Variants in COL22A1 observed in about 807,000 individuals in gnomAD.
The protein encoded by COL22A1 is collagen alpha-1(XXII) chain.
A neutral mutation model predicts 248.9 loss-of-function variants in COL22A1; 221 were observed. The observed-to-expected ratio is 0.89, with a 90% CI of 0.80 to 0.99. The LOEUF is 0.99. COL22A1 is among the 50% of genes least tolerant of loss of function. The pLI, the probability that COL22A1 is intolerant of heterozygous loss-of-function variation, is 0.00. For synonymous variants in COL22A1, 891 were observed against 793.4 expected (o/e 1.12, Z -2.07); for missense variants, 2,240 against 2,179.0 (o/e 1.03, Z -0.56).
Position 138,821,380 on chromosome 8 carries a change from G to A in COL22A1, c.1001C>T (p.Ala334Val), listed in dbSNP as rs1279353210. Residue 334 changes from alanine to valine, a missense_variant, in exon 7 of 65, where the codon GCA (alanine) becomes GTA (valine). Transcript: ENST00000303045. ...GGCACCCACAGCGTTGTACTCGACT[G>A]CCTTGTTTTCACCATCCAGCCGGAT... ...VSIRLDGENK[A>V]VEYNAVGAMK... 3 of 1,613,780 alleles carry A rather than the reference G, an allele frequency of 1.9e-6. No homozygotes were observed. In the Admixed American group the frequency reaches 5.0e-5, roughly 27 times the overall value.
chr8:138,727,969 G>T (rs1830447032), intron 23 of COL22A1, among the ~76,000 whole-genome samples: 1 of 152,118 alleles, frequency 6.6e-6, no homozygotes, highest in Non-Finnish European at 1.5e-5. Context: ...CAAAGCAAGA[G>T]CCCTGCAGTG....
chr8:138,703,893 G>T (rs1449329246), intron 30 of COL22A1, among the ~76,000 whole-genome samples: 1 of 152,224 alleles, frequency 6.6e-6, no homozygotes, highest in Non-Finnish European at 1.5e-5. Flanking sequence ...ACCCGTGACA[G>T]ATTGTAACTG....
At chr8:138,865,719 ATG>A (rs963858023) in intron 3 of COL22A1, among the ~76,000 whole-genome samples, 9 of 121,530 alleles carry the variant, frequency 7.4e-5, no homozygotes, top group Admixed American at 2.5e-4. Context: ...GTATGAGTGT[ATG>A]TGTGTGTGTG....
intron 40 of COL22A1, among the ~76,000 whole-genome samples, chr8:138,676,840 T>C (rs995972410): frequency 4.6e-5 from 7 of 152,174 alleles, no homozygotes; most frequent in African/African-American, 1.7e-4. Flanking sequence ...ACTCAGATTA[T>C]ATACCTTTCA....
At chr8:138,651,925 C>T (rs1822771382) in intron 45 of COL22A1, among the ~76,000 whole-genome samples, 2 of 152,184 alleles carry the variant, frequency 1.3e-5, no homozygotes, top group Admixed American at 1.3e-4. Flanking sequence ...TAATTTCTGG[C>T]AGGGCTCTCA....
intron 25 of COL22A1, among the ~76,000 whole-genome samples, chr8:138,722,793 G>A (rs1173882162): frequency 1.5e-5 from 2 of 136,522 alleles, no homozygotes; most frequent in African/African-American, 5.5e-5. Context: ...CTACACCAGA[G>A]ACACTTCATC....
intron 23 of COL22A1, among the ~76,000 whole-genome samples, 170 bp from the exon 24 acceptor site, chr8:138,725,610 A>C (rs1005888844): frequency 6.6e-6 from 1 of 152,252 alleles, no homozygotes; most frequent in Non-Finnish European, 1.5e-5. Context: ...CAAAAGGAAA[A>C]GATTGGAACC....
chr8:138,758,447 T>C (rs565216247), intron 18 of COL22A1, among the ~76,000 whole-genome samples: 15 of 152,262 alleles, frequency 9.9e-5, no homozygotes, highest in African/African-American at 3.6e-4. Flanking sequence ...TCCAGTAAAA[T>C]CATTAAAAGG....
intron 10 of COL22A1, among the ~76,000 whole-genome samples, chr8:138,805,054 GGTGTGTGATGGT>G (rs1817377407): frequency 8.9e-5 from 9 of 101,224 alleles, no homozygotes; most frequent in African/African-American, 3.9e-4. Context: ...TGTGTGTAAT[GGTGTGTGATGGT>G]GTGTGTGTGT....
chr8:138,608,135 C>T (rs975550629), intron 56 of COL22A1, 146 bp from the exon 57 acceptor site: 2 of 563,930 alleles, frequency 3.5e-6, no homozygotes, highest in Non-Finnish European at 6.1e-6. Flanking sequence ...CACTTCATTA[C>T]TCAGAGGATG....
chr8:138,683,518 A>C (rs539311400), intron 39 of COL22A1, among the ~76,000 whole-genome samples: 2 of 152,282 alleles, frequency 1.3e-5, no homozygotes, highest in African/African-American at 4.8e-5. Context: ...GACATGCCCC[A>C]GTCTCCCCTG....
At chr8:138,695,998 CA>C (rs980959657) in intron 32 of COL22A1, among the ~76,000 whole-genome samples, 1 of 152,102 alleles carries the variant, frequency 6.6e-6, no homozygotes, top group Non-Finnish European at 1.5e-5. Flanking sequence ...TAAACTTGGG[CA>C]AAGTAGTTAC....
chr8:138,867,127 C>A (rs1051127763), intron 3 of COL22A1, among the ~76,000 whole-genome samples: 1 of 152,066 alleles, frequency 6.6e-6, no homozygotes, highest in African/African-American at 2.4e-5. Flanking sequence ...ACTCAACCTG[C>A]TATCCCAGTG....
In COL22A1 at chr8:138,636,580, G is replaced by A. The variant is rs140085172; in HGVS notation, c.3555+162C>T. On this transcript the variant is annotated intron_variant, in intron 48 of 64. Coordinates refer to ENST00000303045, the MANE Select transcript of COL22A1 (RefSeq NM_152888.3). ...AATTGAGGGAGAGAGGGCACTTAGA[G>A]TGAACCAGAGATACCAAGATGAAAA... Among the ~76,000 whole-genome samples the A allele has an allele frequency of 2.6e-3, 377 of 145,780 alleles. 1 individual carries two copies. The highest frequency in any genetic ancestry group is 9.0e-3 in the African/African-American group (358 of 39,752).
At chr8:138,867,628 A>G (rs2131990756) in intron 3 of COL22A1, among the ~76,000 whole-genome samples, 1 of 152,314 alleles carries the variant, frequency 6.6e-6, no homozygotes, top group South Asian at 2.1e-4. Context: ...ATGAGACCAC[A>G]GGTCTTAGCA....
At chr8:138,680,868 T>A (rs140690317) in intron 39 of COL22A1, among the ~76,000 whole-genome samples, 83 of 152,378 alleles carry the variant, frequency 5.4e-4, no homozygotes, top group Non-Finnish European at 9.6e-4. Context: ...TGTTTAGACA[T>A]CTCACATTTT....
chr8:138,716,623 C>G (rs1398241314), intron 28 of COL22A1, among the ~76,000 whole-genome samples: 2 of 152,144 alleles, frequency 1.3e-5, no homozygotes. Flanking sequence ...GGGAAGCCCT[C>G]TCCTATGCCC....
chr8:138,720,866 A>G, intron 26 of COL22A1, 74 bp from the exon 27 acceptor site: 1 of 1,237,640 alleles, frequency 8.1e-7, no homozygotes, highest in Non-Finnish European at 1.2e-6. Context: ...TACTAGGCAC[A>G]GGTTGGAAGG....
chr8:138,738,281 G>C (rs1485384885), intron 22 of COL22A1, among the ~76,000 whole-genome samples: 1 of 152,206 alleles, frequency 6.6e-6, no homozygotes, highest in African/African-American at 2.4e-5. Context: ...GCAGGGTGAT[G>C]TTGTGGGGTG....
Sources: allele counts gnomAD v4.1 joint callset (sites outside exome capture counted in the v4.1 genomes callset), GRCh38; gene constraint gnomAD v4.1.1; transcripts MANE v1.5; gene names NCBI Gene and HGNC (gene_info 2026-07-23, HGNC 2026-07-21).